Variants in CEACAM21 observed in about 807,000 individuals in gnomAD.
CEACAM21 encodes CEA cell adhesion molecule 21, also known as cell adhesion molecule CEACAM21.
CEACAM21 carries 38 observed loss-of-function variants against 33.2 expected under a neutral mutation model. That is an observed-to-expected ratio of 1.14 (90% CI 0.88 to 1.50). The LOEUF (loss-of-function observed/expected upper bound fraction) is 1.50. Ranked by LOEUF, CEACAM21 falls within the 40% of genes most tolerant of loss-of-function variation. CEACAM21 has a pLI of 0.00. For synonymous variants in CEACAM21, 156 were observed against 143.0 expected, an observed-to-expected ratio of 1.09 and a Z score of -0.65; for missense variants, 385 against 364.6, an observed-to-expected ratio of 1.06 and a Z score of -0.46.
intron 3 of CEACAM21, among the ~76,000 whole-genome samples, chr19:41,580,718 C>T (rs1351256137): frequency 6.6e-6 from 1 of 152,216 alleles, no homozygotes; most frequent in Non-Finnish European, 1.5e-5. Context: ...ATGGGTTCAG[C>T]TCTTCAAACC....
intron 1 of CEACAM21, among the ~76,000 whole-genome samples, chr19:41,563,075 G>C (rs571603754): frequency 2.0e-5 from 3 of 152,248 alleles, no homozygotes; most frequent in African/African-American, 4.8e-5. Flanking sequence ...CGAAATATAT[G>C]GTTTTTCAGG....
chr19:41,574,823 T>C (rs2042829693), upstream of CEACAM21, among the ~76,000 whole-genome samples: 1 of 152,150 alleles, frequency 6.6e-6, no homozygotes. Context: ...CATGACCCCA[T>C]ATTTATACTC....
chr19:41,577,372 C>T lies in CEACAM21; in HGVS notation c.237C>T (p.Ile79=), dbSNP rs1009101350. ...AAACGGTGGAGCCCAACCAGCTAAT[C>T]GCAGCATATGTAATAGACACTCACG... ...KGKTVEPNQL[I]AAYVIDTHVR... The change falls in exon 2 of 7, where the codon ATC becomes ATT. Residue 79 remains isoleucine (I), a synonymous_variant. Coordinates refer to ENST00000401445, the MANE Select transcript of CEACAM21 (RefSeq NM_001098506.4). The T allele has an allele frequency of 7.4e-6, 12 of 1,613,132 alleles. No homozygotes were observed. The highest frequency in any genetic ancestry group is 1.6e-4 in the Middle Eastern group (1 of 6,062).
chr19:41,576,663 G>A (rs1555791162), intron 1 of CEACAM21, among the ~76,000 whole-genome samples: 1 of 152,172 alleles, frequency 6.6e-6, no homozygotes, highest in East Asian at 1.9e-4. Flanking sequence ...TCAGACATTA[G>A]CAAATAAACC....
intron 2 of CEACAM21, among the ~76,000 whole-genome samples, chr19:41,567,895 TAA>T (rs35461515): frequency 0.12 from 17,374 of 139,786 alleles, 1,887 homozygotes; most frequent in East Asian, 0.35. Context: ...GAAGATGCAG[TAA>T]AAAAAAAAAA....
chr19:41,583,910 C>G (rs2070506132), intron 3 of CEACAM21, among the ~76,000 whole-genome samples: 1 of 148,964 alleles, frequency 6.7e-6, no homozygotes, highest in African/African-American at 2.6e-5. Flanking sequence ...AGAAAAGCTG[C>G]AGGTAGATTG....
chr19:41,555,060 A>G (rs1028246853), intron 1 of CEACAM21: 24 of 152,058 alleles, frequency 1.6e-4, no homozygotes, highest in African/African-American at 5.3e-4. Context: ...TGTTTGCTCC[A>G]TCTCAAGCTC....
intron 6 of CEACAM21, 27 bp from the exon 7 acceptor site, chr19:41,586,437 G>A (rs782105188): frequency 1.1e-5 from 7 of 633,604 alleles, no homozygotes; most frequent in African/African-American, 7.3e-5. Flanking sequence ...GGCCTCAGGG[G>A]TCAAGACCTC....
rs201739588 is a variant in CEACAM21, at chr19:41,577,397, G to T, written c.262G>T (p.Val88Phe). The T allele has an allele frequency of 1.9e-6, 3 of 1,614,034 alleles. No homozygotes were observed. The highest frequency in any genetic ancestry group is 1.7e-6 in the Non-Finnish European group (2 of 1,180,008). The change falls in exon 2 of 7, where the codon GTT (valine) becomes TTT (phenylalanine). Residue 88 changes from valine (V) to phenylalanine (F), a missense_variant. Coordinates refer to ENST00000401445, the MANE Select transcript of CEACAM21 (RefSeq NM_001098506.4). ...LIAAYVIDTH[V>F]RTPGPAYSGR... ...CGCAGCATATGTAATAGACACTCAC[G>T]TTAGGACTCCAGGGCCTGCATACAG...
rs554395278 is a variant in CEACAM21 at position 41,576,399 on chromosome 19, T to C, written c.64+61T>C. 7 of 1,544,750 alleles carry C rather than the reference T, an allele frequency of 4.5e-6. No homozygotes were observed. In the African/African-American group the frequency reaches 9.7e-5, roughly 21 times the overall value. On this transcript the variant is annotated intron_variant, in intron 1 of 6. Coordinates refer to ENST00000401445, the MANE Select transcript of CEACAM21 (RefSeq NM_001098506.4). ...GGGAGCACAGAGACTGGCTGGGGTC[T>C]CCTGGGGAGGATGGGGCTCTGAGAG...
At chr19:41,552,019 G>T (rs144799423) in intron 1 of CEACAM21, 2 of 152,160 alleles carry the variant, frequency 1.3e-5, no homozygotes, top group South Asian at 4.1e-4. Flanking sequence ...TTCTGGAACC[G>T]GTTACAGAGA....
upstream of CEACAM21, among the ~76,000 whole-genome samples, chr19:41,574,152 T>C (rs1353502200): frequency 6.6e-6 from 1 of 152,184 alleles, no homozygotes; most frequent in Non-Finnish European, 1.5e-5. Flanking sequence ...ACATGCGAGA[T>C]AGTGTAGTTA....
chr19:41,556,674 G>C (rs1568578723), intron 1 of CEACAM21, among the ~76,000 whole-genome samples: 1 of 152,172 alleles, frequency 6.6e-6, no homozygotes, highest in Non-Finnish European at 1.5e-5. Context: ...AAGGCGCTGG[G>C]GCCCTGACTG....
chr19:41,570,023 C>T (rs951042776), intron 2 of CEACAM21, among the ~76,000 whole-genome samples: 5 of 152,186 alleles, frequency 3.3e-5, no homozygotes, highest in South Asian at 2.1e-4. Flanking sequence ...GAGCCTAGAG[C>T]GGGCCCCACA....
chr19:41,581,323 T>C (rs1555793484), intron 3 of CEACAM21, among the ~76,000 whole-genome samples: 1 of 152,254 alleles, frequency 6.6e-6, no homozygotes, highest in East Asian at 1.9e-4. Context: ...CATCCCTTGG[T>C]TTCCCATAAG....
intron 2 of CEACAM21, among the ~76,000 whole-genome samples, chr19:41,567,244 G>T (rs1316155678): frequency 6.6e-6 from 1 of 152,160 alleles, no homozygotes; most frequent in African/African-American, 2.4e-5. Flanking sequence ...ATTAAGAAAA[G>T]TGATACTGTC....
intron 1 of CEACAM21, among the ~76,000 whole-genome samples, chr19:41,562,385 A>G (rs2041945017): frequency 6.6e-6 from 1 of 152,338 alleles, no homozygotes; most frequent in East Asian, 1.9e-4. Flanking sequence ...ATCTGTGTCC[A>G]GAATATGTAA....
chr19:41,554,199 C>G (rs144432813), intron 1 of CEACAM21, among the ~76,000 whole-genome samples: 1 of 152,044 alleles, frequency 6.6e-6, no homozygotes, highest in African/African-American at 2.4e-5. Context: ...CCAAGTGTCC[C>G]GAACATTTTT....
At chr19:41,567,543 T>C (rs1600198575) in intron 2 of CEACAM21, among the ~76,000 whole-genome samples, 1 of 152,212 alleles carries the variant, frequency 6.6e-6, no homozygotes. Context: ...GGGTGCCCCC[T>C]TTTCAAGCCC....
Sources: allele counts gnomAD v4.1 joint callset (sites outside exome capture counted in the v4.1 genomes callset), GRCh38; gene constraint gnomAD v4.1.1; transcripts MANE v1.5; gene names NCBI Gene and HGNC (gene_info 2026-07-23, HGNC 2026-07-21).